The following SMOC1 variants were observed in gnomAD, a reference collection of about 807,000 sequenced individuals.
SMOC1 encodes SPARC-related modular calcium-binding protein 1.
SMOC1 carries 22 observed loss-of-function variants against 56.3 expected under a neutral mutation model. That is an observed-to-expected ratio of 0.39 (90% CI 0.28 to 0.56). The LOEUF is 0.56. Among genes scored for constraint, SMOC1 ranks in the 20% least tolerant of loss-of-function variants. SMOC1 has a pLI of 0.61. For synonymous variants in SMOC1, 193 were observed against 215.0 expected, an observed-to-expected ratio of 0.90 and a Z score of 0.89; for missense variants, 509 against 565.4, an observed-to-expected ratio of 0.90 and a Z score of 1.01.
At chr14:69,984,486 A>C (rs1884290745) in intron 5 of SMOC1, among the ~76,000 whole-genome samples, 1 of 152,198 alleles carries the variant, frequency 6.6e-6, no homozygotes, top group Non-Finnish European at 1.5e-5. Flanking sequence ...TCTATCCAAC[A>C]TAGGACTCAT....
chr14:70,027,011 G>A (rs575877223), intron 11 of SMOC1, among the ~76,000 whole-genome samples: 71 of 152,264 alleles, frequency 4.7e-4, no homozygotes, highest in Non-Finnish European at 8.1e-4. Context: ...TAATCAATGG[G>A]GTGGGGTGAA....
At chr14:70,005,818 C>A (rs995340015) in intron 7 of SMOC1, among the ~76,000 whole-genome samples, 5 of 152,238 alleles carry the variant, frequency 3.3e-5, no homozygotes, top group Middle Eastern at 3.4e-3. Flanking sequence ...CTGGACAGCC[C>A]TGATTGTTCC....
At chr14:69,958,920 C>A (rs536861892) in intron 3 of SMOC1, among the ~76,000 whole-genome samples, 1 of 151,714 alleles carries the variant, frequency 6.6e-6, no homozygotes, top group East Asian at 2.0e-4. Flanking sequence ...TTTAATTAAC[C>A]AGATAATTAA....
intron 3 of SMOC1, among the ~76,000 whole-genome samples, chr14:69,973,992 C>A (rs1035063178): frequency 1.3e-5 from 2 of 152,172 alleles, no homozygotes; most frequent in Non-Finnish European, 2.9e-5. Flanking sequence ...TAATTGAGAT[C>A]TACATTTAAT....
chr14:70,004,707 T>C (rs1258006098), intron 7 of SMOC1, among the ~76,000 whole-genome samples: 1 of 152,264 alleles, frequency 6.6e-6, no homozygotes, highest in Non-Finnish European at 1.5e-5. Flanking sequence ...TCTCTCTTTA[T>C]GTATATGTGT....
At chr14:70,010,132 A>G (rs1042768124) in intron 7 of SMOC1, among the ~76,000 whole-genome samples, 10 of 152,190 alleles carry the variant, frequency 6.6e-5, no homozygotes, top group Admixed American at 3.9e-4. Context: ...TTTCTCTCCA[A>G]TTGGATGGAA....
intron 1 of SMOC1, among the ~76,000 whole-genome samples, chr14:69,882,048 G>A (rs930031036): frequency 2.0e-5 from 3 of 152,134 alleles, no homozygotes; most frequent in Admixed American, 1.3e-4. Context: ...TACAGAACCC[G>A]GATACATCAG....
At chr14:70,011,420 G>A in intron 8 of SMOC1, 65 bp from the exon 9 acceptor site, 1 of 1,438,042 alleles carries the variant, frequency 7.0e-7, no homozygotes, top group South Asian at 1.1e-5. Flanking sequence ...TTGCTGGGCA[G>A]TAGTGACTGA....
At chr14:69,905,931 A>G (rs1413018140) in intron 1 of SMOC1, among the ~76,000 whole-genome samples, 2 of 152,244 alleles carry the variant, frequency 1.3e-5, no homozygotes, top group Non-Finnish European at 2.9e-5. Flanking sequence ...ATATTTGTGC[A>G]TATTCTAAAT....
intron 5 of SMOC1, among the ~76,000 whole-genome samples, chr14:69,982,053 C>T (rs9671969): frequency 6.6e-6 from 1 of 152,168 alleles, no homozygotes; most frequent in Admixed American, 6.5e-5. Flanking sequence ...GAGCTTTTGA[C>T]TTCTGAGTGC....
chr14:69,895,331 C>T (rs946579212), intron 1 of SMOC1, among the ~76,000 whole-genome samples: 2 of 152,184 alleles, frequency 1.3e-5, no homozygotes, highest in African/African-American at 2.4e-5. Flanking sequence ...GCTGATAGAA[C>T]AAGTAGCCAG....
chr14:70,030,260 G>A lies in SMOC1; in HGVS notation c.*2G>A. 6.2e-7 allele frequency: 1 copy of A among 1,612,030 alleles called. No homozygotes were observed. On this transcript the variant is annotated 3_prime_UTR_variant, in exon 12 of 12. Transcript: ENST00000361956. Reference sequence around the variant, plus strand: ...CTCTCAGTAGGACGCCTCGTCTAAGGAGCAGAAAACCCAAGGGCAGGTGGA... The same window carrying A: ...CTCTCAGTAGGACGCCTCGTCTAAGAAGCAGAAAACCCAAGGGCAGGTGGA...
chr14:69,903,913 A>G (rs997242232), intron 1 of SMOC1, among the ~76,000 whole-genome samples: 73 of 152,024 alleles, frequency 4.8e-4, no homozygotes, highest in African/African-American at 5.1e-4. Context: ...AAAAAAAAAA[A>G]AAAGAAAGAA....
chr14:70,020,378 C>T lies in SMOC1; in HGVS notation c.1047-2825C>T, dbSNP rs144967527. Among the ~76,000 whole-genome samples, 923 of 152,236 alleles carry T rather than the reference C, an allele frequency of 6.1e-3. 6 individuals are homozygous for T. The highest frequency in any genetic ancestry group is 0.024 in the Middle Eastern group (7 of 294). On this transcript the variant is annotated intron_variant, in intron 10 of 11. Transcript: ENST00000361956. The stretch of plus-strand genomic sequence containing the variant: ...CCAAAGTGTTGGATTCCAAAGATGA[C>T]CCTAGGGCTACCCAGCTTACAGGTA...
chr14:69,879,777 G>T lies in SMOC1; in HGVS notation c.99G>T (p.Arg33Ser). ...PARGHRTTGP[R>S]FLISDRDPQC... ...GCGGCCACCGCACCACAGGCCCCAG[G>T]GTAAGTGCGCCCCCAGCTTTGCGCC... The change falls in exon 1 of 12, where the codon AGG becomes AGT. Residue 33 changes from arginine (R) to serine (S), a missense_variant and splice_region_variant. By Grantham distance (110) the Arg-to-Ser change is moderately radical. Coordinates refer to ENST00000361956, the MANE Select transcript of SMOC1 (RefSeq NM_001034852.3). 6.3e-7 allele frequency: 1 copy of T among 1,586,284 alleles called. No individual in the cohort carries two copies. The highest frequency in any genetic ancestry group is 2.3e-5 in the East Asian group (1 of 43,716).
At chr14:69,971,027 C>CT (rs1279101062) in intron 3 of SMOC1, among the ~76,000 whole-genome samples, 2 of 151,932 alleles carry the variant, frequency 1.3e-5, no homozygotes, top group Non-Finnish European at 2.9e-5. Context: ...TAGTTACATT[C>CT]TTTTTTTTGG....
At chr14:70,006,779 C>G (rs771121431) in intron 7 of SMOC1, among the ~76,000 whole-genome samples, 1 of 152,198 alleles carries the variant, frequency 6.6e-6, no homozygotes, top group Non-Finnish European at 1.5e-5. Context: ...GCAGTTGGTA[C>G]TCGCTGTGAC....
At chr14:70,013,140 TG>T (rs1441604909) in intron 9 of SMOC1, among the ~76,000 whole-genome samples, 1 of 152,190 alleles carries the variant, frequency 6.6e-6, no homozygotes, top group Admixed American at 6.5e-5. Flanking sequence ...CCTGAGTTGA[TG>T]TCTAGCAAAA....
At chr14:69,908,953 G>A (rs1884483890) in intron 1 of SMOC1, among the ~76,000 whole-genome samples, 1 of 152,064 alleles carries the variant, frequency 6.6e-6, no homozygotes, top group African/African-American at 2.4e-5. Context: ...TCTTTGAAAT[G>A]TCCCTCTCTT....
Sources: allele counts gnomAD v4.1 joint callset (sites outside exome capture counted in the v4.1 genomes callset), GRCh38; gene constraint gnomAD v4.1.1; transcripts MANE v1.5; gene names NCBI Gene and HGNC (gene_info 2026-07-23, HGNC 2026-07-21).